CERS3: variants seen among roughly 807,000 people sequenced by gnomAD.
The protein encoded by CERS3 is ceramide synthase 3, also known as LAG1 homolog, ceramide synthase 3.
A neutral mutation model predicts 50.3 loss-of-function variants in CERS3; 33 were observed. The observed-to-expected ratio is 0.66, with a 90% CI of 0.50 to 0.88. The LOEUF is 0.88. Among genes scored for constraint, CERS3 ranks in the 40% least tolerant of loss-of-function variants. CERS3 has a pLI of 0.00. For missense variants in CERS3, 470 were observed against 460.3 expected (o/e 1.02, Z -0.19); for synonymous variants, 176 against 155.2 (o/e 1.13, Z -0.99).
chr15:100,497,353 T>TAGAG (rs796937268), intron 3 of CERS3, among the ~76,000 whole-genome samples: 7 of 151,462 alleles, frequency 4.6e-5, no homozygotes, highest in African/African-American at 1.5e-4. Flanking sequence ...TATATATATA[T>TAGAG]AGAGAGAAAA....
At chr15:100,410,186 C>T (rs2031370304) in intron 11 of CERS3, among the ~76,000 whole-genome samples, 1 of 152,138 alleles carries the variant, frequency 6.6e-6, no homozygotes, top group Admixed American at 6.5e-5. Context: ...AGTCTCTGCC[C>T]CCAACGACTC....
chr15:100,479,954 C>A (rs1348337623), intron 6 of CERS3, 35 bp downstream of exon 6: 12 of 1,522,916 alleles, frequency 7.9e-6, no homozygotes, highest in Non-Finnish European at 1.1e-5. Flanking sequence ...AAATTAAAGA[C>A]AAATTCCAAT....
intron 2 of CERS3, among the ~76,000 whole-genome samples, chr15:100,502,078 C>G (rs982883554): frequency 2.6e-5 from 4 of 151,696 alleles, no homozygotes; most frequent in African/African-American, 9.7e-5. Flanking sequence ...AATCCCATCT[C>G]TACTAAAAAT....
At chr15:100,417,397 G>A (rs567809189) in intron 11 of CERS3, among the ~76,000 whole-genome samples, 46 of 151,574 alleles carry the variant, frequency 3.0e-4, no homozygotes, top group African/African-American at 1.0e-3. Context: ...GGCGCACCAC[G>A]AGATTATATC....
At chr15:100,516,497 T>C (rs193056120) in intron 2 of CERS3, among the ~76,000 whole-genome samples, 1 of 152,338 alleles carries the variant, frequency 6.6e-6, no homozygotes, top group East Asian at 1.9e-4. Flanking sequence ...CAGACATACT[T>C]GAACACTGTA....
intron 11 of CERS3, among the ~76,000 whole-genome samples, chr15:100,423,256 T>A (rs1212181135): frequency 6.6e-6 from 1 of 152,100 alleles, no homozygotes; most frequent in Non-Finnish European, 1.5e-5. Flanking sequence ...AACCCAGCAA[T>A]CCTATTACTG....
chr15:100,483,351 C>G (rs1221381227), intron 5 of CERS3, among the ~76,000 whole-genome samples: 1 of 152,196 alleles, frequency 6.6e-6, no homozygotes, highest in Non-Finnish European at 1.5e-5. Flanking sequence ...GTAACCACGA[C>G]TCACATGTTA....
chr15:100,536,090 G>A (rs112270063), intron 1 of CERS3, among the ~76,000 whole-genome samples: 4,724 of 125,408 alleles, frequency 0.038, 84 homozygotes, highest in East Asian at 0.081. Context: ...GCTCATATGT[G>A]CACGGGAAGT....
chr15:100,415,958 A>ACAAC (rs1326633662), intron 11 of CERS3, among the ~76,000 whole-genome samples: 1 of 151,814 alleles, frequency 6.6e-6, no homozygotes, highest in Non-Finnish European at 1.5e-5. Flanking sequence ...TTGAAGTAAA[A>ACAAC]CAAAAACACC....
chr15:100,438,682 G>A (rs1207113021), intron 11 of CERS3, among the ~76,000 whole-genome samples: 1 of 152,234 alleles, frequency 6.6e-6, no homozygotes, highest in African/African-American at 2.4e-5. Flanking sequence ...TGTATGTAAA[G>A]TGTCATTCTA....
At position 100,400,816 on chromosome 15, in the gene CERS3, AATAAT is replaced by A. The variant is rs976103023; in HGVS notation, c.*1892_*1896del. 6.6e-6 allele frequency: 1 copy of A among 152,052 alleles called. No individual in the cohort carries two copies. The highest frequency in any genetic ancestry group is 1.5e-5 in the Non-Finnish European group (1 of 68,000). The allele number at this position is 152,052 out of a possible 1,614,324, so 9.4% of individuals were successfully genotyped here. A position where few individuals can be genotyped will look rare whatever the true frequency, so the allele number is the denominator to read the frequency against. ...TGTGACCTTCTTCCAGCAAAATAAT[AATAAT>A]ATAATATTAATAATAAGTCAATAGC... On this transcript the variant is annotated 3_prime_UTR_variant, in exon 12 of 12. Transcript: ENST00000679737.
intron 11 of CERS3, among the ~76,000 whole-genome samples, chr15:100,430,902 T>C (rs1238772552): frequency 6.6e-6 from 1 of 152,188 alleles, no homozygotes; most frequent in Non-Finnish European, 1.5e-5. Flanking sequence ...TGGCTACGCG[T>C]GGCCGTTTTC....
rs200948329 is a variant in CERS3, at chr15:100,417,841, G to C, written c.1000-14976C>G. Among the ~76,000 whole-genome samples, 1,043 of 151,818 alleles carry C rather than the reference G, an allele frequency of 6.9e-3. 13 individuals are homozygous for C. The highest frequency in any genetic ancestry group is 0.036 in the Admixed American group (542 of 15,266). On this transcript the variant is annotated intron_variant, in intron 11 of 11. Coordinates refer to ENST00000679737, the MANE Select transcript of CERS3 (RefSeq NM_001378789.1). ...GGCACACTGACACCTCACACAGCAGGGTATTCCAACAGACCTGCAGCTGAG... is the reference window on the plus strand; with the variant it reads ...GGCACACTGACACCTCACACAGCAGCGTATTCCAACAGACCTGCAGCTGAG...
intron 2 of CERS3, among the ~76,000 whole-genome samples, chr15:100,511,103 A>T (rs535673211): frequency 7.2e-5 from 11 of 152,242 alleles, no homozygotes; most frequent in African/African-American, 2.6e-4. Flanking sequence ...AGGCTGACCA[A>T]CATGGTGAAA....
In CERS3 at chr15:100,477,233, T is replaced by C. The variant is rs75911146; in HGVS notation, c.517-1055A>G. On this transcript the variant is annotated intron_variant, in intron 7 of 11. Transcript: ENST00000679737. The stretch of plus-strand genomic sequence containing the variant: ...ATACACCTGAGAAGATATGAGTAAG[T>C]TGGAGACAGAAGATGATAGGCCTGG... Among the ~76,000 whole-genome samples, 1,251 of 152,274 alleles carry C rather than the reference T, an allele frequency of 8.2e-3. 22 individuals are homozygous for C. The highest frequency in any genetic ancestry group is 0.028 in the African/African-American group (1,168 of 41,548).
At chr15:100,539,886 T>C (rs1405717092) in intron 1 of CERS3, among the ~76,000 whole-genome samples, 1 of 152,084 alleles carries the variant, frequency 6.6e-6, no homozygotes. Context: ...GTGCTGAGAT[T>C]GCAGTCCTAG....
chr15:100,537,638 G>A lies in CERS3; in HGVS notation c.-355+7013C>T, dbSNP rs779663615. ...TCACTATCACATGAACAACATGGGGGAAACTGCCCTCATGATTCAATTACT... is the reference window on the plus strand; with the variant it reads ...TCACTATCACATGAACAACATGGGGAAAACTGCCCTCATGATTCAATTACT... On this transcript the variant is annotated intron_variant, in intron 1 of 12. Transcript: ENST00000284382. 2.0e-5 allele frequency among the ~76,000 whole-genome samples: 3 copies of A among 152,146 alleles called. No individual in the cohort carries two copies. In the South Asian group the frequency reaches 6.2e-4, roughly 32 times the overall value.
chr15:100,513,545 T>C lies in CERS3; in HGVS notation c.-2+8122A>G, dbSNP rs1443974662. On this transcript the variant is annotated intron_variant, in intron 2 of 11. Transcript: ENST00000679737. The stretch of plus-strand genomic sequence containing the variant: ...CAAAGTTCTTGTTTTCTTTTCTTTT[T>C]TTTTTTTTTTGAGATAAGATCTTGC... Among the ~76,000 whole-genome samples the C allele has an allele frequency of 7.3e-5, 11 of 149,920 alleles. No individual in the cohort carries two copies. The East Asian group carries it at 1.2e-3, about 16-fold the overall frequency.
chr15:100,533,378 C>T (rs57162277), upstream of CERS3, among the ~76,000 whole-genome samples: 3,748 of 152,308 alleles, frequency 0.025, 72 homozygotes, highest in East Asian at 0.077. Context: ...AGAGTTGACA[C>T]TTGATGCTGA....
Sources: allele counts gnomAD v4.1 joint callset (sites outside exome capture counted in the v4.1 genomes callset), GRCh38; gene constraint gnomAD v4.1.1; transcripts MANE v1.5; gene names NCBI Gene and HGNC (gene_info 2026-07-23, HGNC 2026-07-21).